The following SPOCK3 variants were observed in gnomAD, a reference collection of about 807,000 sequenced individuals.
The protein encoded by SPOCK3 is SPARC (osteonectin), cwcv and kazal like domains proteoglycan 3.
SPOCK3 carries 30 observed loss-of-function variants against 56.6 expected under a neutral mutation model. That is an observed-to-expected ratio of 0.53 (90% CI 0.40 to 0.72). SPOCK3 has a LOEUF of 0.72. SPOCK3 is among the 30% of genes least tolerant of loss of function. SPOCK3 has a pLI of 0.00. For missense variants in SPOCK3, 527 were observed against 530.0 expected (o/e 0.99, Z 0.06); for synonymous variants, 196 against 183.3 (o/e 1.07, Z -0.56).
At chr4:167,004,733 G>T (rs1403469164) in intron 3 of SPOCK3, among the ~76,000 whole-genome samples, 1 of 152,112 alleles carries the variant, frequency 6.6e-6, no homozygotes, top group Non-Finnish European at 1.5e-5. Context: ...TATAATAGAA[G>T]GGGGAAATTG....
intron 4 of SPOCK3, among the ~76,000 whole-genome samples, chr4:166,984,897 T>C (rs1172152853): frequency 6.6e-6 from 1 of 152,144 alleles, no homozygotes; most frequent in Non-Finnish European, 1.5e-5. Context: ...CTTTAACTCC[T>C]GTCTTTAATG....
intron 9 of SPOCK3, among the ~76,000 whole-genome samples, chr4:166,739,726 A>T (rs1387968479): frequency 6.6e-6 from 1 of 151,222 alleles, no homozygotes; most frequent in Non-Finnish European, 1.5e-5. Flanking sequence ...CTGTGACCAG[A>T]AGCATAATAG....
intron 8 of SPOCK3, among the ~76,000 whole-genome samples, chr4:166,743,509 G>C (rs1421121127): frequency 2.0e-5 from 3 of 152,098 alleles, no homozygotes; most frequent in Admixed American, 6.6e-5. Flanking sequence ...GGCCAAACAG[G>C]AACAGCTCCA....
intron 3 of SPOCK3, among the ~76,000 whole-genome samples, chr4:167,056,337 A>T (rs1754859940): frequency 6.6e-6 from 1 of 152,214 alleles, no homozygotes; most frequent in Admixed American, 6.5e-5. Flanking sequence ...AGATGGGGAA[A>T]AAACAGAGCA....
chr4:167,098,210 C>G (rs972068535), intron 2 of SPOCK3, among the ~76,000 whole-genome samples: 1 of 151,902 alleles, frequency 6.6e-6, no homozygotes, highest in East Asian at 1.9e-4. Flanking sequence ...TTACTCTTCC[C>G]CTCCACCTGC....
chr4:166,736,937 G>A (rs1320248605), intron 10 of SPOCK3, among the ~76,000 whole-genome samples: 1 of 152,026 alleles, frequency 6.6e-6, no homozygotes, highest in Non-Finnish European at 1.5e-5. Flanking sequence ...TAGAATATTA[G>A]CTATAATTCC....
At chr4:166,978,916 G>T (rs559712079) in intron 4 of SPOCK3, among the ~76,000 whole-genome samples, 2 of 152,270 alleles carry the variant, frequency 1.3e-5, no homozygotes, top group African/African-American at 4.8e-5. Context: ...AAAGGGATAT[G>T]AGTGCGGAAG....
intron 2 of SPOCK3, among the ~76,000 whole-genome samples, chr4:167,173,230 A>T (rs1007044156): frequency 3.9e-5 from 6 of 152,148 alleles, no homozygotes; most frequent in Admixed American, 2.0e-4. Context: ...GTTGCAACAC[A>T]AAGTGAAATA....
At chr4:166,736,664 C>A (rs1359494348) in intron 10 of SPOCK3, among the ~76,000 whole-genome samples, 1 of 151,606 alleles carries the variant, frequency 6.6e-6, no homozygotes, top group African/African-American at 2.4e-5. Flanking sequence ...CATTTTTGAT[C>A]ATTTATATTA....
intron 4 of SPOCK3, among the ~76,000 whole-genome samples, chr4:166,926,614 G>T (rs1364566153): frequency 6.6e-6 from 1 of 151,744 alleles, no homozygotes; most frequent in East Asian, 1.9e-4. Flanking sequence ...TTGCCTTTAT[G>T]TCCAAGCAAC....
chr4:166,831,556 T>G (rs562559369), intron 6 of SPOCK3, among the ~76,000 whole-genome samples: 19 of 152,210 alleles, frequency 1.2e-4, no homozygotes, highest in African/African-American at 4.6e-4. Context: ...TTTGTCTATT[T>G]CATTTAACAT....
intron 4 of SPOCK3, among the ~76,000 whole-genome samples, chr4:166,958,913 T>G (rs945169248): frequency 6.6e-6 from 1 of 152,182 alleles, no homozygotes; most frequent in Non-Finnish European, 1.5e-5. Context: ...CTTCTCTCCT[T>G]TTTTGAACAT....
chr4:166,934,972 G>A (rs1370686041), intron 4 of SPOCK3, among the ~76,000 whole-genome samples: 1 of 152,062 alleles, frequency 6.6e-6, no homozygotes, highest in Admixed American at 6.5e-5. Flanking sequence ...TCCAATTAGA[G>A]GAAACTGTGA....
chr4:166,754,245 TTGG>T (rs1736774961), intron 8 of SPOCK3: 2 of 1,143,634 alleles, frequency 1.7e-6, no homozygotes, highest in African/African-American at 3.2e-5. Flanking sequence ...TGTGTGCTTC[TTGG>T]TGGCTCATAA....
intron 2 of SPOCK3, among the ~76,000 whole-genome samples, chr4:167,068,311 A>C (rs1756358452): frequency 1.3e-5 from 2 of 151,526 alleles, no homozygotes; most frequent in African/African-American, 4.8e-5. Flanking sequence ...TTCAACTCTG[A>C]CTTCCAATTT....
chr4:167,148,224 G>T (rs1354272284), intron 2 of SPOCK3, among the ~76,000 whole-genome samples: 1 of 152,088 alleles, frequency 6.6e-6, no homozygotes, highest in Non-Finnish European at 1.5e-5. Flanking sequence ...TTGGGGAGTT[G>T]CTACTGGCAT....
At chr4:167,037,435 T>C (rs1333075544) in intron 3 of SPOCK3, among the ~76,000 whole-genome samples, 1 of 151,050 alleles carries the variant, frequency 6.6e-6, no homozygotes, top group Non-Finnish European at 1.5e-5. Flanking sequence ...TGAGCCGAGA[T>C]TGCACCACTG....
chr4:167,128,960 G>A (rs1234312956), intron 2 of SPOCK3, among the ~76,000 whole-genome samples: 1 of 152,132 alleles, frequency 6.6e-6, no homozygotes. Context: ...AGACTGTGGA[G>A]TGAAATGCAT....
At chr4:167,115,638 G>A (rs1202360267) in intron 2 of SPOCK3, among the ~76,000 whole-genome samples, 1 of 151,986 alleles carries the variant, frequency 6.6e-6, no homozygotes, top group African/African-American at 2.4e-5. Flanking sequence ...GCACAATAAA[G>A]CATAAGGTAA....
Sources: allele counts gnomAD v4.1 joint callset (sites outside exome capture counted in the v4.1 genomes callset), GRCh38; gene constraint gnomAD v4.1.1; transcripts MANE v1.5; gene names NCBI Gene and HGNC (gene_info 2026-07-23, HGNC 2026-07-21).